Variants in CTNNA2 observed in about 807,000 individuals in gnomAD.
CTNNA2 encodes the protein catenin alpha 2.
CTNNA2 carries 42 observed loss-of-function variants against 101.0 expected under a neutral mutation model. The ratio of observed to expected loss-of-function variants is 0.42; its 90% CI spans 0.32 to 0.54. The LOEUF (loss-of-function observed/expected upper bound fraction) is 0.54. CTNNA2 is among the 20% of genes least tolerant of loss of function. The pLI, the probability that CTNNA2 is intolerant of heterozygous loss-of-function variation, is 0.14. For synonymous variants in CTNNA2, 450 were observed against 456.4 expected (o/e 0.99, Z 0.18); for missense variants, 871 against 1,223.1 (o/e 0.71, Z 4.29).
rs746964329 is a variant in CTNNA2 at position 80,480,373 on chromosome 2, A to G, written c.1290+60772A>G. Reference sequence around the variant, plus strand: ...GTATTTTTTTCAGACCTATAAAATAAAAGCCCCAATTTTAAAAATTAGATT... The same window carrying G: ...GTATTTTTTTCAGACCTATAAAATAGAAGCCCCAATTTTAAAAATTAGATT... On this transcript the variant is annotated intron_variant, in intron 9 of 18. Transcript: ENST00000402739. Among the ~76,000 whole-genome samples, 30 of 152,190 alleles carry G rather than the reference A, an allele frequency of 2.0e-4. No individual in the cohort carries two copies. In the Middle Eastern group the frequency reaches 0.01, roughly 52 times the overall value.
chr2:80,182,747 A>G (rs1705860608), intron 7 of CTNNA2, among the ~76,000 whole-genome samples: 1 of 152,202 alleles, frequency 6.6e-6, no homozygotes. Context: ...TATGGCGAAA[A>G]AGCCAGCTAT....
chr2:79,275,516 G>GT (rs1234231524), intron 2 of CTNNA2, among the ~76,000 whole-genome samples: 2 of 151,806 alleles, frequency 1.3e-5, no homozygotes, highest in East Asian at 3.9e-4. Context: ...TGCCCCTCAT[G>GT]TTTTCTACAC....
chr2:80,083,556 G>A (rs1398507666), intron 7 of CTNNA2, among the ~76,000 whole-genome samples: 4 of 152,096 alleles, frequency 2.6e-5, no homozygotes, highest in Admixed American at 6.6e-5. Context: ...TAGGGAATAA[G>A]GCAATGTCAG....
At chr2:79,281,113 T>A (rs1430659051) in intron 2 of CTNNA2, among the ~76,000 whole-genome samples, 1 of 152,078 alleles carries the variant, frequency 6.6e-6, no homozygotes, top group African/African-American at 2.4e-5. Flanking sequence ...TCTCAAGATA[T>A]GCTTCTGGGA....
At position 79,710,035 on chromosome 2, in the gene CTNNA2, T is replaced by C. The variant is rs556314175; in HGVS notation, c.103-34352T>C. Among the ~76,000 whole-genome samples the C allele has an allele frequency of 3.3e-5, 5 of 152,088 alleles. No individual in the cohort carries two copies. The East Asian group carries it at 9.7e-4, about 29-fold the overall frequency. ...GGTCATTTTTCCCCAGAGTAGAGCT[T>C]GGTGAGGAAAAATCCCGATACTTGT... On this transcript the variant is annotated intron_variant, in intron 2 of 18. Transcript: ENST00000402739.
intron 1 of CTNNA2, among the ~76,000 whole-genome samples, chr2:79,523,877 T>G (rs1057013083): frequency 2.6e-5 from 4 of 152,152 alleles, no homozygotes; most frequent in Admixed American, 2.6e-4. Flanking sequence ...GCCTAATGTC[T>G]TGCCTTTGCT....
chr2:80,424,886 G>A (rs948581695), intron 9 of CTNNA2, among the ~76,000 whole-genome samples: 6 of 152,176 alleles, frequency 3.9e-5, no homozygotes, highest in Non-Finnish European at 5.9e-5. Flanking sequence ...CTCCAAGCTC[G>A]CTTCTTTGAA....
At chr2:79,306,985 T>C (rs1676262838) in intron 2 of CTNNA2, among the ~76,000 whole-genome samples, 1 of 152,230 alleles carries the variant, frequency 6.6e-6, no homozygotes, top group African/African-American at 2.4e-5. Flanking sequence ...TGCTGATTTG[T>C]AGGCATAAGA....
At chr2:79,941,914 C>A (rs1688191905) in intron 7 of CTNNA2, among the ~76,000 whole-genome samples, 1 of 152,134 alleles carries the variant, frequency 6.6e-6, no homozygotes. Flanking sequence ...CCACTGCGCC[C>A]AGCTCAGAAA....
chr2:79,330,675 C>T (rs1019909013), intron 3 of CTNNA2, among the ~76,000 whole-genome samples: 7 of 152,126 alleles, frequency 4.6e-5, no homozygotes, highest in Admixed American at 3.9e-4. Flanking sequence ...CTGTGCTGTT[C>T]GCATGATAGT....
At chr2:79,799,475 A>T (rs1675988560) in intron 3 of CTNNA2, among the ~76,000 whole-genome samples, 2 of 152,164 alleles carry the variant, frequency 1.3e-5, no homozygotes, top group South Asian at 2.1e-4. Context: ...AAAGGCATGT[A>T]GAAATGAGCC....
intron 7 of CTNNA2, among the ~76,000 whole-genome samples, chr2:80,064,772 T>A (rs965977559): frequency 2.0e-5 from 3 of 152,210 alleles, no homozygotes; most frequent in African/African-American, 4.8e-5. Flanking sequence ...TGTATTATGT[T>A]TTCTAATGTC....
intron 9 of CTNNA2, among the ~76,000 whole-genome samples, chr2:80,453,298 AG>A (rs1396272118): frequency 6.6e-6 from 1 of 152,094 alleles, no homozygotes; most frequent in Non-Finnish European, 1.5e-5. Flanking sequence ...TGGTAGGGAT[AG>A]GGGCTGACTA....
Position 79,402,662 on chromosome 2 carries a change from C to T in CTNNA2, c.-135+28649C>T, listed in dbSNP as rs541658093. Among the ~76,000 whole-genome samples the T allele has an allele frequency of 7.2e-5, 11 of 151,824 alleles. No homozygotes were observed. In the South Asian group the frequency reaches 2.3e-3, roughly 32 times the overall value. On this transcript the variant is annotated intron_variant, in intron 4 of 21. Coordinates refer to the CTNNA2 transcript ENST00000466387. Reference sequence around the variant, plus strand: ...GTAACTGAAACTTCAGAGAGTGAAACTGTGGGTAGGCAAACTACTATACAT... The same window carrying T: ...GTAACTGAAACTTCAGAGAGTGAAATTGTGGGTAGGCAAACTACTATACAT...
At chr2:79,423,282 G>C (rs1185875841) in intron 4 of CTNNA2, among the ~76,000 whole-genome samples, 1 of 152,082 alleles carries the variant, frequency 6.6e-6, no homozygotes, top group African/African-American at 2.4e-5. Flanking sequence ...CCCCACCAAA[G>C]TTGCAGACAT....
chr2:79,464,914 G>A (rs370343734), intron 4 of CTNNA2, among the ~76,000 whole-genome samples: 1 of 151,488 alleles, frequency 6.6e-6, no homozygotes, highest in African/African-American at 2.4e-5. Flanking sequence ...TTGCAAAAAT[G>A]TTCTCCCATT....
At chr2:79,315,799 T>A (rs574004038) in intron 3 of CTNNA2, among the ~76,000 whole-genome samples, 10 of 152,266 alleles carry the variant, frequency 6.6e-5, no homozygotes, top group African/African-American at 2.4e-4. Flanking sequence ...GGTACTGTGA[T>A]AACTCCATGT....
intron 3 of CTNNA2, among the ~76,000 whole-genome samples, chr2:79,334,387 G>C (rs549702037): frequency 6.6e-6 from 1 of 152,014 alleles, no homozygotes; most frequent in Non-Finnish European, 1.5e-5. Context: ...AAAGCTGCCT[G>C]TTTATTGGAT....
At chr2:80,289,633 C>A (rs528963751) in intron 7 of CTNNA2, among the ~76,000 whole-genome samples, 10 of 152,158 alleles carry the variant, frequency 6.6e-5, no homozygotes, top group Non-Finnish European at 1.5e-4. Flanking sequence ...ATTTGGCCAA[C>A]TCAATGCACA....
Sources: allele counts gnomAD v4.1 joint callset (sites outside exome capture counted in the v4.1 genomes callset), GRCh38; gene constraint gnomAD v4.1.1; transcripts MANE v1.5; gene names NCBI Gene and HGNC (gene_info 2026-07-23, HGNC 2026-07-21).